ZNF385D: variants seen among roughly 807,000 people sequenced by gnomAD.
The protein encoded by ZNF385D is zinc finger protein 385D.
Under a neutral mutation model 35.8 loss-of-function variants are expected in ZNF385D, and 15 were observed. The observed-to-expected ratio is 0.42, with a 90% CI of 0.28 to 0.64. The LOEUF (loss-of-function observed/expected upper bound fraction) is 0.64. Among genes scored for constraint, ZNF385D ranks in the 30% least tolerant of loss-of-function variants. The pLI is 0.23. For synonymous variants in ZNF385D, 212 were observed against 186.8 expected, an observed-to-expected ratio of 1.13 and a Z score of -1.10; for missense variants, 474 against 494.6, an observed-to-expected ratio of 0.96 and a Z score of 0.39.
chr3:22,211,887 G>GT (rs1231547858), intron 2 of ZNF385D, among the ~76,000 whole-genome samples: 2 of 151,968 alleles, frequency 1.3e-5, no homozygotes, highest in African/African-American at 4.8e-5. Context: ...GTTTGACTAT[G>GT]TTTTTAATTC....
chr3:22,322,839 T>C (rs1484426953), intron 2 of ZNF385D, among the ~76,000 whole-genome samples: 1 of 152,252 alleles, frequency 6.6e-6, no homozygotes, highest in East Asian at 1.9e-4. Context: ...TTTAAAGTTC[T>C]GGATATTTTT....
chr3:21,840,985 T>G (rs1386386529), intron 3 of ZNF385D, among the ~76,000 whole-genome samples: 2 of 151,942 alleles, frequency 1.3e-5, no homozygotes, highest in Non-Finnish European at 2.9e-5. Flanking sequence ...GTTGGTCAAT[T>G]TAGCTTCCCT....
upstream of ZNF385D, among the ~76,000 whole-genome samples, chr3:21,755,388 C>T (rs1374292994): frequency 1.3e-5 from 2 of 152,150 alleles, no homozygotes; most frequent in Non-Finnish European, 2.9e-5. Context: ...ACAACCAAGT[C>T]CCTATTCGCT....
intron 3 of ZNF385D, among the ~76,000 whole-genome samples, chr3:21,534,679 A>G (rs1189545065): frequency 6.6e-6 from 1 of 152,116 alleles, no homozygotes; most frequent in Non-Finnish European, 1.5e-5. Context: ...AAGTTATCTT[A>G]CAGCAGCTGT....
At chr3:21,798,016 G>A (rs1161367209) in intron 3 of ZNF385D, among the ~76,000 whole-genome samples, 4 of 152,168 alleles carry the variant, frequency 2.6e-5, no homozygotes, top group Admixed American at 1.3e-4. Context: ...GTGCTGTAGT[G>A]TAAACTATGG....
At chr3:22,146,656 G>A (rs971216563) in intron 3 of ZNF385D, among the ~76,000 whole-genome samples, 1 of 151,960 alleles carries the variant, frequency 6.6e-6, no homozygotes, top group Non-Finnish European at 1.5e-5. Flanking sequence ...TAAAATCAAT[G>A]AATGAATAAA....
intron 3 of ZNF385D, among the ~76,000 whole-genome samples, chr3:22,126,130 G>A (rs1228946060): frequency 6.6e-6 from 1 of 151,932 alleles, no homozygotes; most frequent in South Asian, 2.1e-4. Flanking sequence ...AAGAAATGGT[G>A]AATTTTATCA....
intron 3 of ZNF385D, among the ~76,000 whole-genome samples, chr3:21,556,482 C>T (rs1259876971): frequency 6.6e-6 from 1 of 152,112 alleles, no homozygotes; most frequent in Admixed American, 6.5e-5. Context: ...AATAGGGAAG[C>T]CTTTCCCCAT....
Position 22,049,057 on chromosome 3 carries a change from G to A in ZNF385D, c.325+119760C>T, listed in dbSNP as rs62248438. ...CAGGCCTGTAATCCCAGCACTGTGC[G>A]AGGCCTATGTGGGTGGATAATTTCA... On this transcript the variant is annotated intron_variant, in intron 3 of 5. Coordinates refer to the ZNF385D transcript ENST00000494108. 4.4e-3 allele frequency among the ~76,000 whole-genome samples: 671 copies of A among 152,150 alleles called. 2 individuals are homozygous for A. Among genetic ancestry groups the A allele is most frequent in the Admixed American group, 0.013 (202 of 15,258 alleles).
intron 3 of ZNF385D, among the ~76,000 whole-genome samples, chr3:21,517,534 A>G (rs146602143): frequency 6.6e-6 from 1 of 152,194 alleles, no homozygotes; most frequent in Non-Finnish European, 1.5e-5. Flanking sequence ...ACATTGGCAT[A>G]ATTGTTGGTG....
At chr3:21,777,621 T>C (rs755344709) in intron 3 of ZNF385D, 4 of 151,948 alleles carry the variant, frequency 2.6e-5, no homozygotes, top group East Asian at 1.9e-4. Context: ...GATCTTCCCA[T>C]TGGAGACTGC....
intron 1 of ZNF385D, among the ~76,000 whole-genome samples, chr3:21,692,015 A>G (rs1313528119): frequency 2.0e-5 from 3 of 152,164 alleles, no homozygotes; most frequent in African/African-American, 4.8e-5. Flanking sequence ...TCCACTTAGC[A>G]TAATGTTTTC....
chr3:22,057,089 T>C (rs1699441932), intron 3 of ZNF385D, among the ~76,000 whole-genome samples: 1 of 152,186 alleles, frequency 6.6e-6, no homozygotes, highest in Admixed American at 6.5e-5. Context: ...ACCTACCACA[T>C]CTGATCAGTT....
At chr3:21,679,609 AT>A (rs2066836530) in intron 1 of ZNF385D, among the ~76,000 whole-genome samples, 1 of 152,072 alleles carries the variant, frequency 6.6e-6, no homozygotes, top group African/African-American at 2.4e-5. Flanking sequence ...CATTAATACT[AT>A]TAGGTACCTG....
intron 3 of ZNF385D, among the ~76,000 whole-genome samples, chr3:21,549,681 G>T (rs1288761105): frequency 2.6e-5 from 4 of 152,146 alleles, no homozygotes; most frequent in Non-Finnish European, 5.9e-5. Flanking sequence ...CACACAAGCC[G>T]AATGGCCCTG....
At chr3:21,630,529 A>T (rs17009183) in intron 2 of ZNF385D, among the ~76,000 whole-genome samples, 18,473 of 152,006 alleles carry the variant, frequency 0.12, 1,233 homozygotes, top group Admixed American at 0.15. Context: ...TATTTTCAAA[A>T]TCGTAACTGC....
At chr3:21,424,651 T>C (rs1700925761) in intron 6 of ZNF385D, among the ~76,000 whole-genome samples, 1 of 150,954 alleles carries the variant, frequency 6.6e-6, no homozygotes, top group Admixed American at 6.6e-5. Flanking sequence ...AGCGTCTTTT[T>C]TTTTTCCGAG....
intron 3 of ZNF385D, among the ~76,000 whole-genome samples, chr3:22,042,322 G>A (rs748782546): frequency 2.0e-4 from 31 of 151,962 alleles, no homozygotes; most frequent in Admixed American, 4.6e-4. Context: ...TTAGTGTATG[G>A]CCCATATTAA....
At chr3:21,886,181 T>A (rs2125872798) in intron 3 of ZNF385D, among the ~76,000 whole-genome samples, 1 of 152,200 alleles carries the variant, frequency 6.6e-6, no homozygotes, top group Non-Finnish European at 1.5e-5. Flanking sequence ...TTATCTCAAT[T>A]CTACCTGTCT....
Sources: gnomAD v4.1 joint callset for allele counts (sites outside exome capture counted in the v4.1 genomes callset) on GRCh38, gnomAD v4.1.1 for gene constraint, MANE v1.5 for transcripts, NCBI Gene and HGNC (gene_info 2026-07-23, HGNC 2026-07-21) for gene names.